GAS2L2: variants seen among roughly 807,000 people sequenced by gnomAD.
GAS2L2 encodes the protein GAS2-like protein 2.
In GAS2L2, 21 loss-of-function variants were observed where a neutral mutation model predicts 35.2. The observed-to-expected ratio is 0.60, with a 90% CI of 0.42 to 0.86. The LOEUF is 0.86. Ranked by LOEUF, GAS2L2 falls within the 40% of genes least tolerant of loss-of-function variation. The pLI is 0.00. For synonymous variants in GAS2L2, 490 were observed against 473.2 expected, an observed-to-expected ratio of 1.04 and a Z score of -0.46; for missense variants, 1,169 against 1,144.4, an observed-to-expected ratio of 1.02 and a Z score of -0.31.
At chr17:35,752,172 G>GTCTCTTTCC (rs2085707719) in intron 1 of GAS2L2, among the ~76,000 whole-genome samples, 1 of 152,302 alleles carries the variant, frequency 6.6e-6, no homozygotes, top group Admixed American at 6.5e-5. Flanking sequence ...TGGGCGCTGG[G>GTCTCTTTCC]TCTCTTTCCT....
Position 35,752,770 on chromosome 17 carries a change from A to G in GAS2L2, c.81T>C (p.Ser27=), listed in dbSNP as rs781796946. ...CCTTCATGGCCTCCAGGTACTGCTC[A>G]CTCGACTTGAAAGGCCGGATACTGC... The part of the protein sequence containing the change: ...PVCSIRPFKS[S]EQYLEAMKED... Residue 27 remains serine, a synonymous_variant, in exon 1 of 6, where the codon AGT becomes AGC. Transcript: ENST00000604641. 2.9e-5 allele frequency: 47 copies of G among 1,613,650 alleles called. 1 individual carries two copies. The South Asian group carries it at 5.2e-4, about 18-fold the overall frequency.
At chr17:35,752,327 G>A in intron 1 of GAS2L2, 139 bp downstream of exon 1, 2 of 748,090 alleles carry the variant, frequency 2.7e-6, no homozygotes, top group Non-Finnish European at 4.3e-6. Flanking sequence ...ACTGAGGCAT[G>A]AAAAAAGAGC....
chr17:35,750,487 C>T (rs1222400303), intron 1 of GAS2L2, among the ~76,000 whole-genome samples, 169 bp from the exon 2 acceptor site: 4 of 152,054 alleles, frequency 2.6e-5, no homozygotes, highest in African/African-American at 9.7e-5. Context: ...AGTCAGCCCC[C>T]TAGGAGGGGT....
At position 35,752,502 on chromosome 17, in the gene GAS2L2, A is replaced by C. The variant is rs1555599901; in HGVS notation, c.349T>G (p.Phe117Val). The C allele has an allele frequency of 1.2e-6, 2 of 1,602,374 alleles. No individual in the cohort carries two copies. The highest frequency in any genetic ancestry group is 2.2e-5 in the South Asian group (2 of 90,430). The stretch of plus-strand genomic sequence containing the variant: ...ATCTCCTTTCGACACCACTGGATGA[A>C]GTTAGAGACATTGTCCCTGGCCTGG... ...TFQARDNVSN[F>V]IQWCRKEMGI... The change falls in exon 1 of 6, where the codon TTC becomes GTC. Residue 117 changes from phenylalanine (F) to valine (V), a missense_variant. Transcript: ENST00000604641.
At position 35,746,038 on chromosome 17, in the gene GAS2L2, C is replaced by T. The variant is rs1555598913; in HGVS notation, c.1459G>A (p.Glu487Lys). The T allele has an allele frequency of 1.9e-6, 3 of 1,544,234 alleles. No homozygotes were observed. The highest frequency in any genetic ancestry group is 2.6e-6 in the Non-Finnish European group (3 of 1,144,100). ...EAKGAFFQFR[E>K]PESVRSPTPV... Reference sequence around the variant, plus strand: ...GTTGGAGAACGGACAGACTCTGGCTCCCTGAACTGGAAGAACGCACCCTTG... The same window carrying T: ...GTTGGAGAACGGACAGACTCTGGCTTCCTGAACTGGAAGAACGCACCCTTG... Residue 487 changes from glutamate to lysine, a missense_variant, in exon 6 of 6, where the codon GAG (glutamate) becomes AAG (lysine). Glu to Lys is a moderately conservative substitution (Grantham distance 56, BLOSUM62 1). Around this residue, in one of 3 missense-constraint regions of GAS2L2, gnomAD observed 1,035 missense variants for 976.5 expected, o/e 1.06. Transcript: ENST00000604641.
chr17:35,744,926 T>C lies in GAS2L2; in HGVS notation c.2571A>G (p.Gln857=). 1 of 1,613,546 alleles carries C rather than the reference T, an allele frequency of 6.2e-7. No individual in the cohort carries two copies. Among genetic ancestry groups the C allele is most frequent in the Non-Finnish European group, 8.5e-7 (1 of 1,179,766 alleles). ...AGTGAGGTTGCAGGCCCTCTGGAGG[T>C]TGGGGGCTGCTCTCCAATGGAGCGG... ...EPAAPLESSP[Q]PPEGLQPHWL... The change falls in exon 6 of 6, where the codon CAA becomes CAG. Residue 857 remains glutamine, a synonymous_variant. Coordinates refer to ENST00000604641, the MANE Select transcript of GAS2L2 (RefSeq NM_139285.4).
chr17:35,746,134 G>A lies in GAS2L2; in HGVS notation c.1363C>T (p.Pro455Ser). ...CCAAAGGAACGAGGCAGGGGAGATGGTCCTCTTGCTGATATCCCTTTGGTG... is the reference window on the plus strand; with the variant it reads ...CCAAAGGAACGAGGCAGGGGAGATGATCCTCTTGCTGATATCCCTTTGGTG... ...ATTKGISARG[P>S]SPLPRSFGPA... is the part of the protein sequence containing the mutation. The change falls in exon 6 of 6, where the codon CCA (proline) becomes TCA (serine). Residue 455 changes from proline (P) to serine (S), a missense_variant. Pro to Ser is a moderately conservative substitution (Grantham distance 74). Transcript: ENST00000604641. The A allele has an allele frequency of 6.6e-7, 1 of 1,508,526 alleles. No homozygotes were observed. The highest frequency in any genetic ancestry group is 8.9e-7 in the Non-Finnish European group (1 of 1,128,524). 93.4% of individuals were successfully genotyped at this position (1,508,526 alleles called of 1,614,324 possible). A position where few individuals can be genotyped will look rare whatever the true frequency, so the allele number is the denominator to read the frequency against.
At chr17:35,750,359 G>T in intron 1 of GAS2L2, 41 bp from the exon 2 acceptor site, 1 of 1,613,364 alleles carries the variant, frequency 6.2e-7, no homozygotes, top group Non-Finnish European at 8.5e-7. Context: ...GGCAGCGTGA[G>T]CCCCCAGAGG....
Position 35,752,926 on chromosome 17 carries a change from G to A in GAS2L2, c.-76C>T, listed in dbSNP as rs1555600010. The A allele has an allele frequency of 6.8e-7, 1 of 1,461,326 alleles. No homozygotes were observed. The highest frequency in any genetic ancestry group is 1.4e-5 in the African/African-American group (1 of 71,292). The allele number at this position is 1,461,326 out of a possible 1,614,324, so 90.5% of individuals were successfully genotyped here. A position where few individuals can be genotyped will look rare whatever the true frequency, so the allele number is the denominator to read the frequency against. ...GCCTCTTTCCTCCCGCTGCTGCTGG[G>A]TCTCGGCTGGGTTCTTCCTGATTCT... On this transcript the variant is annotated 5_prime_UTR_variant, in exon 1 of 6. Coordinates refer to ENST00000604641, the MANE Select transcript of GAS2L2 (RefSeq NM_139285.4).
chr17:35,748,638 G>T (rs931023313), intron 3 of GAS2L2, among the ~76,000 whole-genome samples: 1 of 152,218 alleles, frequency 6.6e-6, no homozygotes, highest in Middle Eastern at 3.2e-3. Context: ...AAGTGGTAGG[G>T]GTGGAACTAT....
rs372534396 is a variant in GAS2L2, at chr17:35,747,198, T to A, written c.903A>T (p.Gly301=). 5 of 1,613,804 alleles carry A rather than the reference T, an allele frequency of 3.1e-6. No homozygotes were observed. In the African/African-American group the frequency reaches 6.7e-5, roughly 22 times the overall value. ...PVQHEVRVQD[G]PSQTQPTMTI... ...TCATTGTAGGCTGGGTCTGTGAGGG[T>A]CCATCCTGTACCCTTACTTCATGCT... The change falls in exon 5 of 6, where the codon GGA becomes GGT. Residue 301 remains glycine (G), a synonymous_variant. Transcript: ENST00000604641.
chr17:35,751,848 CTTTTTTTTTTT>C (rs587677612), intron 1 of GAS2L2, among the ~76,000 whole-genome samples: 50 of 99,990 alleles, frequency 5.0e-4, no homozygotes, highest in Non-Finnish European at 7.8e-4. Context: ...CTCTCTCTCT[CTTTTTTTTTTT>C]TTTTTTTTTT....
chr17:35,752,689 GT>G lies in GAS2L2; in HGVS notation c.161del (p.Asn54ThrfsTer78). ...GGCCCGTTTCCAGCACCTGCAGGAA[GT>G]TGGCTGCGTCGATGTCCAGCCCATA... ...DLYGLDIDAA[N>X]FLQVLETGLV... is the part of the protein sequence containing the mutation. On this transcript the variant is annotated frameshift_variant, in exon 1 of 6. Coordinates refer to ENST00000604641, the MANE Select transcript of GAS2L2 (RefSeq NM_139285.4). LOFTEE classifies it high-confidence loss of function. 1 of 1,614,102 alleles carries G rather than the reference GT, an allele frequency of 6.2e-7. No individual in the cohort carries two copies. Among genetic ancestry groups the G allele is most frequent in the African/African-American group, 1.3e-5 (1 of 75,060 alleles).
At position 35,745,190 on chromosome 17, in the gene GAS2L2, C is replaced by T. The variant is rs782153351; in HGVS notation, c.2307G>A (p.Pro769=). 71 of 1,611,070 alleles carry T rather than the reference C, an allele frequency of 4.4e-5. No individual in the cohort carries two copies. The Admixed American group carries it at 5.5e-4, about 13-fold the overall frequency. Residue 769 remains proline (P), a synonymous_variant, in exon 6 of 6, where the codon CCG becomes CCA. Coordinates refer to ENST00000604641, the MANE Select transcript of GAS2L2 (RefSeq NM_139285.4). ...RRTLRKPKRV[P]SIYKLKLRPR... is the part of the protein sequence containing the mutation. ...GTCTCAGCTTCAGCTTGTAGATGGA[C>T]GGGACCCTCTTGGGCTTCCGGAGAG...
In GAS2L2 at chr17:35,753,078, G is replaced by C. The variant is rs79650578; in HGVS notation, c.-228C>G. ...CTCAGTCCTTGCCAGAGCTTTCCCT[G>C]GTGGCCCTGCAGCAACCTTGCTCTC... On this transcript the variant is annotated 5_prime_UTR_variant, in exon 1 of 6. Coordinates refer to ENST00000604641, the MANE Select transcript of GAS2L2 (RefSeq NM_139285.4). Among the ~76,000 whole-genome samples, 3,546 of 152,256 alleles carry C rather than the reference G, an allele frequency of 0.023. 74 individuals carry two copies. Among genetic ancestry groups the C allele is most frequent in the East Asian group, 0.12 (640 of 5,182 alleles).
Position 35,752,740 on chromosome 17 carries a change from G to C in GAS2L2, c.111C>G (p.Asp37Glu). Residue 37 changes from aspartate (D) to glutamate (E), a missense_variant, in exon 1 of 6, where the codon GAC (aspartate) becomes GAG (glutamate). Around this residue, in one of 3 missense-constraint regions of GAS2L2, gnomAD observed 127 missense variants for 146.1 expected, o/e 0.87. Coordinates refer to ENST00000604641, the MANE Select transcript of GAS2L2 (RefSeq NM_139285.4). ...AGAGGTCGCGAAGCCACTCAGCCAG[G>C]TCTTCCTTCATGGCCTCCAGGTACT... The part of the protein sequence containing the change: ...SEQYLEAMKE[D>E]LAEWLRDLYG... 1 of 1,613,996 alleles carries C rather than the reference G, an allele frequency of 6.2e-7. No individual in the cohort carries two copies. Among genetic ancestry groups the C allele is most frequent in the Non-Finnish European group, 8.5e-7 (1 of 1,180,042 alleles).
chr17:35,747,388 T>G, intron 4 of GAS2L2, 120 bp from the exon 5 acceptor site: 1 of 1,152,132 alleles, frequency 8.7e-7, no homozygotes, highest in Non-Finnish European at 1.2e-6. Context: ...CAGTGGGACC[T>G]ACAGTGGCAA....
rs62078165 is a variant in GAS2L2 at position 35,745,671 on chromosome 17, A to G, written c.1826T>C (p.Leu609Ser). 29 of 1,613,868 alleles carry G rather than the reference A, an allele frequency of 1.8e-5. No individual in the cohort carries two copies. The highest frequency in any genetic ancestry group is 2.5e-5 in the Non-Finnish European group (29 of 1,180,038). The change falls in exon 6 of 6, where the codon TTG (leucine) becomes TCG (serine). Residue 609 changes from leucine to serine, a missense_variant. Transcript: ENST00000604641. The part of the protein sequence containing the change: ...AIYCSLEEEI[L>S]GNMKLLEVRS... ...GACTTCTAGCAGCTTCATGTTGCCC[A>G]AAATCTCCTCTTCAAGGCTACAGTA...
chr17:35,746,311 GTGGGTCTCGGCCTTTT>G lies in GAS2L2; in HGVS notation c.1170_1185del (p.Gln390HisfsTer106). 7.1e-7 allele frequency: 1 copy of G among 1,411,830 alleles called. No homozygotes were observed. The highest frequency in any genetic ancestry group is 9.3e-7 in the Non-Finnish European group (1 of 1,078,640). The allele number at this position is 1,411,830 out of a possible 1,614,324, so 87.5% of individuals were successfully genotyped here. A position where few individuals can be genotyped will look rare whatever the true frequency, so the allele number is the denominator to read the frequency against. On this transcript the variant is annotated frameshift_variant, in exon 6 of 6. Coordinates refer to ENST00000604641, the MANE Select transcript of GAS2L2 (RefSeq NM_139285.4). LOFTEE classifies it low-confidence loss of function (END_TRUNC). ...TCCCTCTTTCCTGACGAGGTACACT[GTGGGTCTCGGCCTTTT>G]TGGGTAGATGAGGACTGGGGGCTGG...
Sources: gnomAD v4.1 joint callset for allele counts (sites outside exome capture counted in the v4.1 genomes callset) on GRCh38, gnomAD v4.1.1 for gene constraint, gnomAD v4.1.1 regional missense constraint, MANE v1.5 for transcripts, NCBI Gene and HGNC (gene_info 2026-07-23, HGNC 2026-07-21) for gene names.